KIAA1217: variants seen among roughly 807,000 people sequenced by gnomAD.
KIAA1217 encodes the protein KIAA1217, also known as sickle tail protein homolog.
In KIAA1217, 88 loss-of-function variants were observed where a neutral mutation model predicts 163.9. The ratio of observed to expected loss-of-function variants is 0.54; its 90% CI spans 0.45 to 0.64. The LOEUF is 0.64. Among genes scored for constraint, KIAA1217 ranks in the 30% least tolerant of loss-of-function variants. The pLI is 0.00. For synonymous variants in KIAA1217, 903 were observed against 923.1 expected, an observed-to-expected ratio of 0.98 and a Z score of 0.39; for missense variants, 2,372 against 2,475.0, an observed-to-expected ratio of 0.96 and a Z score of 0.88.
intron 1 of KIAA1217, among the ~76,000 whole-genome samples, chr10:23,853,277 G>A (rs988349843): frequency 5.3e-5 from 8 of 152,034 alleles, no homozygotes; most frequent in African/African-American, 1.2e-4. Context: ...ATAATCATGC[G>A]GTTTTTGTCT....
intron 1 of KIAA1217, among the ~76,000 whole-genome samples, chr10:23,894,836 A>G (rs370018613): frequency 2.0e-5 from 3 of 151,448 alleles, no homozygotes; most frequent in African/African-American, 4.9e-5. Flanking sequence ...AAATAACACC[A>G]CATATCTACA....
chr10:24,094,712 C>T (rs559754404), intron 2 of KIAA1217, among the ~76,000 whole-genome samples: 14 of 152,290 alleles, frequency 9.2e-5, no homozygotes, highest in East Asian at 3.9e-4. Context: ...GGCAGTCTGC[C>T]GGTTCTCAGA....
chr10:24,092,603 A>G (rs1489897340), intron 2 of KIAA1217, among the ~76,000 whole-genome samples: 1 of 151,866 alleles, frequency 6.6e-6, no homozygotes, highest in Non-Finnish European at 1.5e-5. Context: ...CTCATGCAAT[A>G]GCTTGAATGA....
chr10:23,744,593 C>T (rs375944572), intron 1 of KIAA1217, among the ~76,000 whole-genome samples: 1 of 152,018 alleles, frequency 6.6e-6, no homozygotes, highest in Non-Finnish European at 1.5e-5. Context: ...CTGGGAAGTA[C>T]GTGGAAAAGG....
chr10:23,934,096 A>G (rs1299321280), intron 1 of KIAA1217, among the ~76,000 whole-genome samples: 5 of 152,204 alleles, frequency 3.3e-5, no homozygotes, highest in Non-Finnish European at 5.9e-5. Flanking sequence ...GCATATGTTT[A>G]CTACAGCACT....
chr10:24,523,178 C>T (rs1231406147), intron 12 of KIAA1217, among the ~76,000 whole-genome samples: 11 of 151,568 alleles, frequency 7.3e-5, no homozygotes, highest in African/African-American at 2.7e-4. Flanking sequence ...AAAAATTAGC[C>T]AGGAAGGGTG....
At position 24,209,228 on chromosome 10, in the gene KIAA1217, G is replaced by A; in HGVS notation, c.35G>A (p.Cys12Tyr). The part of the protein sequence containing the change: ...EENESQKCEP[C>Y]LPYSADRRQM... ...AATGAAAGCCAGAAATGTGAGCCGTGCCTTCCTTACTCAGCAGACAGAAGA... is the reference window on the plus strand; with the variant it reads ...AATGAAAGCCAGAAATGTGAGCCGTACCTTCCTTACTCAGCAGACAGAAGA... The change falls in exon 1 of 21, where the codon TGC (cysteine) becomes TAC (tyrosine). Residue 12 changes from cysteine to tyrosine, a missense_variant. Cys to Tyr is a radical substitution (Grantham distance 194). This residue lies in a region of KIAA1217 where 1,431 missense variants were observed against 1,470.3 expected (regional missense o/e 0.97). Coordinates refer to ENST00000376454, the MANE Select transcript of KIAA1217 (RefSeq NM_019590.5). 1.2e-6 allele frequency: 2 copies of A among 1,613,924 alleles called. No homozygotes were observed. Among genetic ancestry groups the A allele is most frequent in the South Asian group, 2.2e-5 (2 of 91,068 alleles).
At chr10:24,158,883 T>C (rs2064995830) in intron 2 of KIAA1217, 1 of 234,990 alleles carries the variant, frequency 4.3e-6, no homozygotes, top group Non-Finnish European at 8.9e-6. Flanking sequence ...TCCTGCAGTA[T>C]TGGACAGTTA....
intron 1 of KIAA1217, among the ~76,000 whole-genome samples, chr10:23,699,442 A>C (rs1836276420): frequency 6.6e-6 from 1 of 152,160 alleles, no homozygotes; most frequent in African/African-American, 2.4e-5. Context: ...CCTGGGTGGT[A>C]TTGGTGCTCC....
At chr10:24,308,835 AT>A (rs2042294093) in intron 2 of KIAA1217, among the ~76,000 whole-genome samples, 1 of 152,102 alleles carries the variant, frequency 6.6e-6, no homozygotes, top group Admixed American at 6.5e-5. Context: ...AATGAATGGC[AT>A]TGGTGGCTGG....
intron 2 of KIAA1217, among the ~76,000 whole-genome samples, chr10:24,087,336 T>G (rs962437447): frequency 7.9e-5 from 12 of 152,214 alleles, no homozygotes; most frequent in Admixed American, 3.3e-4. Flanking sequence ...GCTTCTAAAG[T>G]GAGGGTTCAT....
intron 2 of KIAA1217, among the ~76,000 whole-genome samples, chr10:24,246,945 G>A (rs559835898): frequency 1.8e-4 from 27 of 151,698 alleles, no homozygotes; most frequent in Non-Finnish European, 3.8e-4. Flanking sequence ...ACCCGATGGC[G>A]GAGGCTGCAG....
intron 1 of KIAA1217, among the ~76,000 whole-genome samples, chr10:23,859,841 G>C (rs1365181317): frequency 6.6e-6 from 1 of 151,424 alleles, no homozygotes; most frequent in Admixed American, 6.6e-5. Flanking sequence ...TGACTTTGCT[G>C]TGATCCCTCT....
intron 2 of KIAA1217, among the ~76,000 whole-genome samples, chr10:24,179,494 C>A (rs1462035144): frequency 2.0e-5 from 3 of 152,168 alleles, no homozygotes; most frequent in African/African-American, 7.2e-5. Context: ...TTTCCTGAGG[C>A]CTCCCCAGCC....
At chr10:23,877,875 G>A (rs12254424) in intron 1 of KIAA1217, among the ~76,000 whole-genome samples, 1,986 of 152,036 alleles carry the variant, frequency 0.013, 60 homozygotes, top group African/African-American at 0.045. Context: ...GGGTTTCATG[G>A]ACACAGCGAA....
Position 24,153,820 on chromosome 10 carries a change from A to AT in KIAA1217, c.-170-65800dup, listed in dbSNP as rs1477889410. Among the ~76,000 whole-genome samples, 11 of 152,180 alleles carry AT rather than the reference A, an allele frequency of 7.2e-5. No individual in the cohort carries two copies. In the East Asian group the frequency reaches 9.7e-4, roughly 13 times the overall value. On this transcript the variant is annotated intron_variant, in intron 2 of 18. Transcript: ENST00000376462. ...GCCTTAGTTTGTTCATCTTTTTGGT[A>AT]TTTTTTAAAAAGATAATTCCCCCGG... is the stretch of plus-strand genomic sequence containing the variant.
chr10:23,702,398 G>A (rs1187624307), intron 1 of KIAA1217, among the ~76,000 whole-genome samples: 1 of 152,132 alleles, frequency 6.6e-6, no homozygotes, highest in Non-Finnish European at 1.5e-5. Flanking sequence ...CTCTTCATAA[G>A]TAGGTTGTTG....
intron 1 of KIAA1217, among the ~76,000 whole-genome samples, chr10:23,965,752 T>A (rs559991165): frequency 1.8e-4 from 28 of 152,142 alleles, no homozygotes; most frequent in Non-Finnish European, 3.8e-4. Flanking sequence ...CCTTCTGTGG[T>A]GACCTGGAGT....
intron 2 of KIAA1217, among the ~76,000 whole-genome samples, chr10:24,302,939 G>C (rs183553900): frequency 6.6e-6 from 1 of 152,300 alleles, no homozygotes; most frequent in African/African-American, 2.4e-5. Context: ...ACATAGTCAA[G>C]GTCAAGGTCA....
Sources: gnomAD v4.1 joint callset for allele counts (sites outside exome capture counted in the v4.1 genomes callset) on GRCh38, gnomAD v4.1.1 for gene constraint, gnomAD v4.1.1 regional missense constraint, MANE v1.5 for transcripts, NCBI Gene and HGNC (gene_info 2026-07-23, HGNC 2026-07-21) for gene names.